Variants in SOX6 observed in about 807,000 individuals in gnomAD.
The protein encoded by SOX6 is SRY-box transcription factor 6.
Under a neutral mutation model 97.8 loss-of-function variants are expected in SOX6, and 11 were observed. That is an observed-to-expected ratio of 0.11 (90% CI 0.07 to 0.19). The LOEUF (loss-of-function observed/expected upper bound fraction) is 0.19, where lower values mean the gene tolerates loss of function less well. Among genes scored for constraint, SOX6 ranks in the 10% least tolerant of loss-of-function variants. The probability of loss-of-function intolerance (pLI) is 1.00; values close to 1 mark genes in which losing one functional copy is unlikely to be tolerated. For synonymous variants in SOX6, 360 were observed against 371.4 expected, an observed-to-expected ratio of 0.97 and a Z score of 0.35; for missense variants, 810 against 1,039.5, an observed-to-expected ratio of 0.78 and a Z score of 3.04.
At position 16,704,098 on chromosome 11, in the gene SOX6, C is replaced by T. The variant is rs1347111567; in HGVS notation, n.429+10732G>A. On this transcript the variant is annotated intron_variant and non_coding_transcript_variant, in intron 3 of 5. Transcript: ENST00000524520. ...AAAAGTTTGTATCATTTAAGAAACA[C>T]ATATGCTTCCTTTTTATTAAATATT... 3.9e-5 allele frequency among the ~76,000 whole-genome samples: 6 copies of T among 152,296 alleles called. No homozygotes were observed. The East Asian group carries it at 1.2e-3, about 29-fold the overall frequency.
intron 3 of SOX6, among the ~76,000 whole-genome samples, chr11:16,295,690 T>C (rs1313582664): frequency 6.6e-6 from 1 of 152,094 alleles, no homozygotes; most frequent in Non-Finnish European, 1.5e-5. Flanking sequence ...AAGTAAAACA[T>C]GTCAACATCT....
chr11:16,088,468 C>A (rs1848620342), intron 9 of SOX6, among the ~76,000 whole-genome samples: 1 of 152,158 alleles, frequency 6.6e-6, no homozygotes, highest in Non-Finnish European at 1.5e-5. Context: ...CACCCCTCTC[C>A]TCATCCTAAA....
At chr11:16,340,885 C>A in intron 2 of SOX6, 127 bp downstream of exon 2, 1 of 1,302,254 alleles carries the variant, frequency 7.7e-7, no homozygotes, top group Non-Finnish European at 1.1e-6. Context: ...TAATATGTAC[C>A]TGGTAGTTGT....
chr11:16,185,384 C>T (rs1389100031), intron 5 of SOX6, among the ~76,000 whole-genome samples: 1 of 152,140 alleles, frequency 6.6e-6, no homozygotes, highest in Non-Finnish European at 1.5e-5. Flanking sequence ...CTTAGCAAAC[C>T]AGTGAAATGC....
intron 3 of SOX6, among the ~76,000 whole-genome samples, chr11:16,272,230 C>T (rs1406071769): frequency 6.6e-6 from 1 of 151,390 alleles, no homozygotes; most frequent in Non-Finnish European, 1.5e-5. Context: ...TTGTGAAGAA[C>T]ATATAAACTA....
chr11:16,143,070 T>C (rs1303655852), intron 6 of SOX6, among the ~76,000 whole-genome samples: 1 of 151,878 alleles, frequency 6.6e-6, no homozygotes, highest in Non-Finnish European at 1.5e-5. Context: ...GAAGTTAAAA[T>C]GAAGGAAAAA....
intron 4 of SOX6, among the ~76,000 whole-genome samples, chr11:16,580,549 G>A (rs190402037): frequency 2.0e-5 from 3 of 152,106 alleles, no homozygotes; most frequent in Non-Finnish European, 2.9e-5. Flanking sequence ...TATGTTCATC[G>A]CAGCACTATT....
chr11:16,727,134 T>C (rs1475543669), intron 2 of SOX6, among the ~76,000 whole-genome samples: 2 of 148,234 alleles, frequency 1.3e-5, no homozygotes, highest in Admixed American at 1.3e-4. Flanking sequence ...CTAACCCCCA[T>C]CTACCACTAC....
chr11:16,675,454 GAT>G (rs1847877538), intron 3 of SOX6, among the ~76,000 whole-genome samples: 1 of 152,218 alleles, frequency 6.6e-6, no homozygotes, highest in Admixed American at 6.5e-5. Context: ...TCCAGCCATA[GAT>G]ATACAATTAT....
At chr11:16,512,293 T>C (rs1860893099) in intron 4 of SOX6, among the ~76,000 whole-genome samples, 1 of 152,262 alleles carries the variant, frequency 6.6e-6, no homozygotes, top group African/African-American at 2.4e-5. Flanking sequence ...TGACATTTGT[T>C]GATCACTTAG....
At chr11:16,177,506 A>G (rs1450881103) in intron 6 of SOX6, among the ~76,000 whole-genome samples, 1 of 151,958 alleles carries the variant, frequency 6.6e-6, no homozygotes, top group Non-Finnish European at 1.5e-5. Context: ...ATAGAAAATT[A>G]AAATCACCTG....
At chr11:16,185,510 A>G (rs1460055390) in intron 5 of SOX6, among the ~76,000 whole-genome samples, 1 of 152,206 alleles carries the variant, frequency 6.6e-6, no homozygotes, top group South Asian at 2.1e-4. Flanking sequence ...GGTTTGACAC[A>G]GTGAAGTATG....
At chr11:16,415,817 G>A (rs1218995399) in intron 1 of SOX6, among the ~76,000 whole-genome samples, 1 of 152,100 alleles carries the variant, frequency 6.6e-6, no homozygotes, top group Non-Finnish European at 1.5e-5. Context: ...ATGTCATTGA[G>A]GAAAATAACA....
At chr11:16,140,043 G>GCA (rs1197655484) in intron 6 of SOX6, among the ~76,000 whole-genome samples, 1 of 150,256 alleles carries the variant, frequency 6.7e-6, no homozygotes, top group Admixed American at 6.7e-5. Context: ...ATGTGTATAT[G>GCA]CACACACACA....
chr11:16,431,978 A>T (rs1859279980), intron 1 of SOX6, among the ~76,000 whole-genome samples: 1 of 152,134 alleles, frequency 6.6e-6, no homozygotes, highest in Non-Finnish European at 1.5e-5. Context: ...ACTGAATTAT[A>T]TTTAGAAACA....
At chr11:16,284,015 T>G in intron 3 of SOX6, 1 of 278,392 alleles carries the variant, frequency 3.6e-6, no homozygotes, top group South Asian at 3.1e-5. Context: ...AATAATGAGA[T>G]AGAATACTTC....
At chr11:16,545,801 G>T (rs993302937) in intron 4 of SOX6, among the ~76,000 whole-genome samples, 2 of 152,026 alleles carry the variant, frequency 1.3e-5, no homozygotes, top group African/African-American at 4.8e-5. Context: ...AAAATTAAAA[G>T]ATTAGCCAAG....
chr11:16,114,021 A>G (rs1849286818), intron 6 of SOX6, among the ~76,000 whole-genome samples: 1 of 152,198 alleles, frequency 6.6e-6, no homozygotes, highest in South Asian at 2.1e-4. Flanking sequence ...GAGTAAAGAG[A>G]TGGTATATAT....
chr11:16,625,295 A>G (rs545801822), intron 3 of SOX6, among the ~76,000 whole-genome samples: 1 of 147,474 alleles, frequency 6.8e-6, no homozygotes, highest in South Asian at 2.1e-4. Flanking sequence ...ACTTTACATT[A>G]AAGTCCCTAG....
Sources: allele counts gnomAD v4.1 joint callset (sites outside exome capture counted in the v4.1 genomes callset), GRCh38; gene constraint gnomAD v4.1.1; transcripts MANE v1.5; gene names NCBI Gene and HGNC (gene_info 2026-07-23, HGNC 2026-07-21).